The following EFR3A variants were observed in gnomAD, a reference collection of about 807,000 sequenced individuals.
EFR3A encodes the protein protein EFR3 homolog A.
In EFR3A, 76 loss-of-function variants were observed where a neutral mutation model predicts 104.4. The observed-to-expected ratio is 0.73, with a 90% CI of 0.60 to 0.88. EFR3A has a LOEUF of 0.88. Ranked by LOEUF, EFR3A falls within the 40% of genes least tolerant of loss-of-function variation. The pLI is 0.00. For synonymous variants in EFR3A, 330 were observed against 330.0 expected (o/e 1.00, Z 0.00); for missense variants, 985 against 1,012.5 (o/e 0.97, Z 0.37).
At chr8:131,968,739 GC>G (rs1488798924) in intron 9 of EFR3A, among the ~76,000 whole-genome samples, 3 of 152,102 alleles carry the variant, frequency 2.0e-5, no homozygotes, top group African/African-American at 7.2e-5. Context: ...TGATTAGACA[GC>G]TCCACCTAAT....
At chr8:131,977,744 C>G (rs893509060) in intron 12 of EFR3A, among the ~76,000 whole-genome samples, 15 of 152,034 alleles carry the variant, frequency 9.9e-5, no homozygotes, top group Non-Finnish European at 1.9e-4. Context: ...TGCAGAAATA[C>G]CTTGTGTGGT....
intron 1 of EFR3A, among the ~76,000 whole-genome samples, chr8:131,914,482 T>G (rs1292759156): frequency 6.6e-6 from 1 of 152,132 alleles, no homozygotes; most frequent in Non-Finnish European, 1.5e-5. Flanking sequence ...ATGAATACAA[T>G]CAGTGAGGGT....
chr8:131,981,881 T>C (rs890388005), intron 14 of EFR3A, among the ~76,000 whole-genome samples: 2 of 152,094 alleles, frequency 1.3e-5, no homozygotes, highest in Non-Finnish European at 2.9e-5. Flanking sequence ...TAGTGAAGCG[T>C]ATTCTTCCAG....
intron 2 of EFR3A, among the ~76,000 whole-genome samples, chr8:131,943,626 T>A (rs1818274460): frequency 6.6e-6 from 1 of 151,970 alleles, no homozygotes; most frequent in African/African-American, 2.4e-5. Context: ...TCCAGATAAT[T>A]ACTTACTTTT....
intron 1 of EFR3A, among the ~76,000 whole-genome samples, chr8:131,918,071 G>A (rs961467636): frequency 2.6e-5 from 4 of 152,128 alleles, no homozygotes; most frequent in African/African-American, 9.7e-5. Flanking sequence ...GGCAGATCAC[G>A]AGGTCAAGAG....
chr8:131,998,319 C>T (rs1210830789), intron 19 of EFR3A, among the ~76,000 whole-genome samples: 2 of 151,920 alleles, frequency 1.3e-5, no homozygotes, highest in Non-Finnish European at 2.9e-5. Context: ...CAGATAAGAA[C>T]ATTGCTCATA....
chr8:131,970,590 G>A lies in EFR3A; in HGVS notation c.1106G>A (p.Ser369Asn). Residue 369 changes from serine (S) to asparagine (N), a missense_variant, in exon 10 of 23, where the codon AGT becomes AAT. Transcript: ENST00000254624. ...GTAGGCAGTGTCAACTTAAATACAA[G>A]TTCCAAAGACAATGATGAGAAGATT... The part of the protein sequence containing the change: ...GSVGSVNLNT[S>N]SKDNDEKIVQ... 1 of 1,613,798 alleles carries A rather than the reference G, an allele frequency of 6.2e-7. No individual in the cohort carries two copies. Among genetic ancestry groups the A allele is most frequent in the Non-Finnish European group, 8.5e-7 (1 of 1,179,782 alleles).
chr8:131,976,704 T>C (rs1820342119), intron 11 of EFR3A, among the ~76,000 whole-genome samples: 1 of 152,136 alleles, frequency 6.6e-6, no homozygotes, highest in Non-Finnish European at 1.5e-5. Context: ...TAAAGAAAGA[T>C]TATATTCATC....
At chr8:132,009,207 AATTC>A (rs1822197171) in intron 22 of EFR3A, among the ~76,000 whole-genome samples, 1 of 152,118 alleles carries the variant, frequency 6.6e-6, no homozygotes, top group Admixed American at 6.6e-5. Flanking sequence ...TGAGCTAATA[AATTC>A]AAAGAAGTAT....
At chr8:131,937,719 A>T (rs1245847933) in intron 1 of EFR3A, among the ~76,000 whole-genome samples, 1 of 152,104 alleles carries the variant, frequency 6.6e-6, no homozygotes, top group Non-Finnish European at 1.5e-5. Flanking sequence ...TTAAAGGAAG[A>T]ATTTATATTG....
intron 1 of EFR3A, chr8:131,924,290 G>T: frequency 8.8e-6 from 2 of 226,048 alleles, no homozygotes; most frequent in South Asian, 4.3e-5. Context: ...TTTCTTCATA[G>T]TTGTTAATAT....
At chr8:131,937,090 T>C (rs1817935002) in intron 1 of EFR3A, among the ~76,000 whole-genome samples, 1 of 152,104 alleles carries the variant, frequency 6.6e-6, no homozygotes, top group Non-Finnish European at 1.5e-5. Context: ...AGTCAACTTA[T>C]TAGTATACAC....
chr8:132,013,477 G>C lies in EFR3A; in HGVS notation c.*2582G>C, dbSNP rs1302343334. The C allele has an allele frequency of 1.3e-5, 2 of 152,444 alleles. No individual in the cohort carries two copies. The highest frequency in any genetic ancestry group is 3.9e-4 in the East Asian group (2 of 5,184). 9.4% of individuals were successfully genotyped at this position (152,444 alleles called of 1,614,324 possible). The stretch of plus-strand genomic sequence containing the variant: ...AAAATGGAACTAATTTGTCTTATTC[G>C]TGCTTATATCTGTATTAAATGCAAT... On this transcript the variant is annotated 3_prime_UTR_variant, in exon 23 of 23. Coordinates refer to ENST00000254624, the MANE Select transcript of EFR3A (RefSeq NM_015137.6).
At chr8:132,005,387 T>C (rs1821982332) in intron 22 of EFR3A, among the ~76,000 whole-genome samples, 2 of 151,822 alleles carry the variant, frequency 1.3e-5, no homozygotes, top group Admixed American at 1.3e-4. Flanking sequence ...TCGCTCCCAC[T>C]GTTCTTTCAT....
At chr8:131,968,075 T>G (rs1184170991) in intron 8 of EFR3A, among the ~76,000 whole-genome samples, 1 of 152,186 alleles carries the variant, frequency 6.6e-6, no homozygotes, top group Non-Finnish European at 1.5e-5. Flanking sequence ...CATAGAATTG[T>G]GCAGTATGCT....
intron 17 of EFR3A, among the ~76,000 whole-genome samples, chr8:131,986,777 G>A (rs1383583709): frequency 3.0e-5 from 4 of 133,740 alleles, no homozygotes; most frequent in South Asian, 2.5e-4. Context: ...AGAGCAGAGC[G>A]AGACTCCATC....
intron 1 of EFR3A, among the ~76,000 whole-genome samples, chr8:131,934,854 G>C (rs1261861639): frequency 6.6e-6 from 1 of 152,078 alleles, no homozygotes. Flanking sequence ...TTGGTACCTG[G>C]AAAGGATATG....
intron 17 of EFR3A, among the ~76,000 whole-genome samples, 195 bp downstream of exon 17, chr8:131,986,456 C>T (rs1043446774): frequency 6.6e-6 from 1 of 152,074 alleles, no homozygotes; most frequent in Admixed American, 6.6e-5. Flanking sequence ...TTGACTTATG[C>T]ACAACATGGA....
intron 7 of EFR3A, 94 bp from the exon 8 acceptor site, chr8:131,959,491 A>T (rs1203169334): frequency 1.1e-6 from 1 of 923,628 alleles, no homozygotes; most frequent in East Asian, 2.6e-5. Flanking sequence ...TTTAGGTAAT[A>T]TTCTCACTAT....
Sources: allele counts gnomAD v4.1 joint callset (sites outside exome capture counted in the v4.1 genomes callset), GRCh38; gene constraint gnomAD v4.1.1; transcripts MANE v1.5; gene names NCBI Gene and HGNC (gene_info 2026-07-23, HGNC 2026-07-21).